The following FAM168B variants were observed in gnomAD, a reference collection of about 807,000 sequenced individuals.
FAM168B encodes the protein family with sequence similarity 168 member B.
FAM168B carries 19 observed loss-of-function variants against 21.8 expected under a neutral mutation model. That is an observed-to-expected ratio of 0.87 (90% CI 0.61 to 1.28). FAM168B has a LOEUF of 1.28. Among genes scored for constraint, FAM168B ranks in the 50% most tolerant of loss-of-function variants. The pLI is 0.00. For synonymous variants in FAM168B, 126 were observed against 104.8 expected, an observed-to-expected ratio of 1.20 and a Z score of -1.24; for missense variants, 233 against 263.1, an observed-to-expected ratio of 0.89 and a Z score of 0.79.
At chr2:131,090,173 T>C (rs2105606979) in intron 1 of FAM168B, among the ~76,000 whole-genome samples, 1 of 135,366 alleles carries the variant, frequency 7.4e-6, no homozygotes, top group East Asian at 2.2e-4. Flanking sequence ...AAAAAAAAAT[T>C]ATCCAGGCAC....
chr2:131,081,698 T>C (rs1276397540), intron 2 of FAM168B, among the ~76,000 whole-genome samples: 1 of 152,148 alleles, frequency 6.6e-6, no homozygotes, highest in African/African-American at 2.4e-5. Flanking sequence ...AGGGTCCTAA[T>C]ACTCAATCTC....
chr2:131,065,635 C>T (rs1325625846), intron 3 of FAM168B, among the ~76,000 whole-genome samples: 1 of 151,698 alleles, frequency 6.6e-6, no homozygotes, highest in East Asian at 1.9e-4. Flanking sequence ...ACTAACAATA[C>T]AAAAATTAGC....
intron 3 of FAM168B, among the ~76,000 whole-genome samples, chr2:131,065,860 TTAAA>T (rs1692530331): frequency 6.8e-6 from 1 of 147,792 alleles, no homozygotes; most frequent in Admixed American, 6.7e-5. Flanking sequence ...TCACTTATCA[TTAAA>T]TATTCTCCAT....
intron 3 of FAM168B, among the ~76,000 whole-genome samples, chr2:131,057,994 C>A (rs1573756354): frequency 6.6e-6 from 1 of 152,116 alleles, no homozygotes; most frequent in East Asian, 1.9e-4. Flanking sequence ...CCACATCCAG[C>A]TAATTTTTGT....
intron 3 of FAM168B, among the ~76,000 whole-genome samples, chr2:131,065,458 C>T (rs993917911): frequency 1.3e-5 from 2 of 151,980 alleles, no homozygotes; most frequent in East Asian, 3.9e-4. Context: ...TTAAACAAAC[C>T]AAGGGTTTCA....
Position 131,048,239 on chromosome 2 carries a change from TC to T in FAM168B, c.*4225del. 1 of 1,303,908 alleles carries T rather than the reference TC, an allele frequency of 7.7e-7. No homozygotes were observed. Among genetic ancestry groups the T allele is most frequent in the Non-Finnish European group, 1.0e-6 (1 of 988,666 alleles). The allele number at this position is 1,303,908 out of a possible 1,614,324, so 80.8% of individuals were successfully genotyped here. On this transcript the variant is annotated 3_prime_UTR_variant, in exon 7 of 7. Transcript: ENST00000389915. ...AATCCATGAGGCTCTCTAGGGCCTC[TC>T]CGTGTGGCCAGCACAGCAACCCTGC...
Position 131,048,744 on chromosome 2 carries a change from C to T in FAM168B, c.*3721G>A. 2.0e-6 allele frequency: 2 copies of T among 987,182 alleles called. No individual in the cohort carries two copies. The highest frequency in any genetic ancestry group is 2.4e-6 in the Non-Finnish European group (2 of 830,874). The allele number at this position is 987,182 out of a possible 1,614,324, so 61.2% of individuals were successfully genotyped here. Reference sequence around the variant, plus strand: ...AGGTACTAGAGGGGAGAAATACGTGCTCTGCCTTCCCCCAGGCCAACCACA... The same window carrying T: ...AGGTACTAGAGGGGAGAAATACGTGTTCTGCCTTCCCCCAGGCCAACCACA... On this transcript the variant is annotated 3_prime_UTR_variant, in exon 7 of 7. Transcript: ENST00000389915.
chr2:131,092,642 C>G (rs770489508), intron 1 of FAM168B, among the ~76,000 whole-genome samples: 1 of 152,114 alleles, frequency 6.6e-6, no homozygotes. Flanking sequence ...CACTATAAAA[C>G]AGAAATACCC....
chr2:131,071,404 TTTAATA>T, intron 3 of FAM168B, among the ~76,000 whole-genome samples: 1 of 152,360 alleles, frequency 6.6e-6, no homozygotes, highest in Admixed American at 6.5e-5. Context: ...CAATTCCACT[TTTAATA>T]TTAACAGTGA....
intron 3 of FAM168B, among the ~76,000 whole-genome samples, chr2:131,056,639 G>A (rs935210508): frequency 9.9e-5 from 15 of 152,200 alleles, no homozygotes; most frequent in African/African-American, 3.6e-4. Context: ...GTTCACAGCA[G>A]CTATATTCAC....
intron 2 of FAM168B, among the ~76,000 whole-genome samples, chr2:131,080,077 A>G (rs906256483): frequency 2.0e-5 from 3 of 152,068 alleles, no homozygotes; most frequent in East Asian, 3.9e-4. Context: ...AGATCACGCC[A>G]TTGCACTCCA....
At chr2:131,068,169 CTTTTTTT>C (rs770962958) in intron 3 of FAM168B, among the ~76,000 whole-genome samples, 15 of 151,918 alleles carry the variant, frequency 9.9e-5, no homozygotes, top group Non-Finnish European at 1.9e-4. Flanking sequence ...TTTCTTTTTT[CTTTTTTT>C]GAGACAGAGT....
At chr2:131,092,922 GAC>G (rs1694108423) in intron 1 of FAM168B, among the ~76,000 whole-genome samples, 2 of 152,134 alleles carry the variant, frequency 1.3e-5, no homozygotes, top group South Asian at 4.1e-4. Context: ...TCGCATTCCT[GAC>G]GGCTGTGACC....
At chr2:131,087,926 G>A (rs1400624933) in intron 1 of FAM168B, among the ~76,000 whole-genome samples, 1 of 152,170 alleles carries the variant, frequency 6.6e-6, no homozygotes, top group East Asian at 1.9e-4. Context: ...ATAATGACCT[G>A]ACTTATAGCC....
At chr2:131,089,243 G>A (rs1325158081) in intron 1 of FAM168B, among the ~76,000 whole-genome samples, 2 of 150,016 alleles carry the variant, frequency 1.3e-5, no homozygotes, top group African/African-American at 4.9e-5. Context: ...TGGGATTACA[G>A]GCGTGAGCCA....
intron 2 of FAM168B, among the ~76,000 whole-genome samples, chr2:131,079,832 T>C (rs752001169): frequency 1.3e-5 from 2 of 150,368 alleles, no homozygotes; most frequent in South Asian, 2.1e-4. Context: ...AAAAAAAAAA[T>C]GTGGCTCGGA....
In FAM168B at chr2:131,050,249, G is replaced by T. The variant is rs2105443577; in HGVS notation, c.*2216C>A. On this transcript the variant is annotated 3_prime_UTR_variant, in exon 7 of 7. Transcript: ENST00000389915. ...AACCCCAAGACTCCAGCCCTCACAG[G>T]AGTTGTACATGTATGTTTCCATTTT... 1 of 985,446 alleles carries T rather than the reference G, an allele frequency of 1.0e-6. No homozygotes were observed. The highest frequency in any genetic ancestry group is 6.1e-5 in the Admixed American group (1 of 16,280). 61.0% of individuals were successfully genotyped at this position (985,446 alleles called of 1,614,324 possible).
At chr2:131,073,534 G>A (rs150455216) in intron 2 of FAM168B, among the ~76,000 whole-genome samples, 50 of 152,224 alleles carry the variant, frequency 3.3e-4, no homozygotes, top group Non-Finnish European at 7.2e-4. Context: ...GCTTTATTAT[G>A]AAAGTGGGTT....
intron 2 of FAM168B, among the ~76,000 whole-genome samples, chr2:131,072,508 C>A (rs917212172): frequency 6.6e-5 from 10 of 151,346 alleles, no homozygotes; most frequent in African/African-American, 2.4e-4. Context: ...CTCTTGTTGC[C>A]CAGGCTAGAG....
Sources: gnomAD v4.1 joint callset for allele counts (sites outside exome capture counted in the v4.1 genomes callset) on GRCh38, gnomAD v4.1.1 for gene constraint, MANE v1.5 for transcripts, NCBI Gene and HGNC (gene_info 2026-07-23, HGNC 2026-07-21) for gene names.